The following OPN3 variants were observed in gnomAD, a reference collection of about 807,000 sequenced individuals.
OPN3 encodes the protein opsin-3.
OPN3 carries 29 observed loss-of-function variants against 33.8 expected under a neutral mutation model. The ratio of observed to expected loss-of-function variants is 0.86; its 90% CI spans 0.64 to 1.17. The LOEUF is 1.17. OPN3 is among the 50% of genes most tolerant of loss of function. The pLI is 0.00. For missense variants in OPN3, 437 were observed against 514.1 expected (o/e 0.85, Z 1.45); for synonymous variants, 216 against 216.1 (o/e 1.00, Z 0.00).
chr1:241,623,519 A>G (rs2148014620), intron 1 of OPN3, among the ~76,000 whole-genome samples: 1 of 152,324 alleles, frequency 6.6e-6, no homozygotes, highest in South Asian at 2.1e-4. Context: ...AATTCCTTAG[A>G]ATGGCATACA....
At chr1:241,628,541 C>T (rs1664490481) in intron 1 of OPN3, among the ~76,000 whole-genome samples, 1 of 152,096 alleles carries the variant, frequency 6.6e-6, no homozygotes, top group Non-Finnish European at 1.5e-5. Context: ...TTCATCTCCA[C>T]GGTTTTTAAG....
intron 1 of OPN3, among the ~76,000 whole-genome samples, chr1:241,610,423 A>G (rs1432857540): frequency 6.6e-6 from 1 of 152,234 alleles, no homozygotes; most frequent in Non-Finnish European, 1.5e-5. Flanking sequence ...CAACATTTGA[A>G]TTGATGAACA....
intron 1 of OPN3, among the ~76,000 whole-genome samples, chr1:241,636,254 T>C (rs1310252681): frequency 6.6e-6 from 1 of 152,180 alleles, no homozygotes; most frequent in Non-Finnish European, 1.5e-5. Context: ...AATAGAGATA[T>C]AACAGCCCTC....
chr1:241,600,704 T>C (rs1267412383), intron 2 of OPN3: 2 of 152,182 alleles, frequency 1.3e-5, no homozygotes, highest in East Asian at 1.9e-4. Flanking sequence ...TCTGTTTAGA[T>C]AGCAGCTAAA....
intron 2 of OPN3, among the ~76,000 whole-genome samples, chr1:241,599,550 A>G (rs1663625652): frequency 6.6e-6 from 1 of 152,106 alleles, no homozygotes; most frequent in Non-Finnish European, 1.5e-5. Context: ...ACCGAATACT[A>G]CTATTCTGTG....
At chr1:241,608,261 A>T (rs1403817142) in intron 1 of OPN3, among the ~76,000 whole-genome samples, 1 of 152,238 alleles carries the variant, frequency 6.6e-6, no homozygotes, top group East Asian at 1.9e-4. Context: ...AGAGGAATAA[A>T]TGAGTTCTTA....
intron 1 of OPN3, among the ~76,000 whole-genome samples, chr1:241,622,040 TGG>T (rs1664281024): frequency 6.6e-6 from 1 of 152,138 alleles, no homozygotes. Context: ...AACAGTGCTG[TGG>T]GGAGAGAGAG....
chr1:241,607,733 G>GGAA (rs1558439669), intron 1 of OPN3, among the ~76,000 whole-genome samples: 1 of 135,076 alleles, frequency 7.4e-6, no homozygotes, highest in African/African-American at 2.9e-5. Context: ...AGAGAAAGGA[G>GGAA]GGAAGGAAGG....
intron 1 of OPN3, among the ~76,000 whole-genome samples, chr1:241,623,526 T>C (rs1352552275): frequency 1.3e-5 from 2 of 152,222 alleles, no homozygotes; most frequent in Admixed American, 6.5e-5. Flanking sequence ...TAGAATGGCA[T>C]ACAAAGCCCT....
At chr1:241,635,512 T>C in intron 1 of OPN3, 2 of 1,613,976 alleles carry the variant, frequency 1.2e-6, no homozygotes, top group Admixed American at 1.7e-5. Flanking sequence ...GAGTGATGGC[T>C]TCTTCTGTTT....
chr1:241,597,736 C>T lies in OPN3; in HGVS notation c.945+10G>A, dbSNP rs764301404. On this transcript the variant is annotated intron_variant, in intron 3 of 3. Transcript: ENST00000366554. Reference sequence around the variant, plus strand: ...CAGGGTGAAAACAATCAGTTAATTGCAAAGCTTACCTTTCTGATCATGAAG... The same window carrying T: ...CAGGGTGAAAACAATCAGTTAATTGTAAAGCTTACCTTTCTGATCATGAAG... 54 of 1,607,784 alleles carry T rather than the reference C, an allele frequency of 3.4e-5. No individual in the cohort carries two copies. The highest frequency in any genetic ancestry group is 4.5e-5 in the Non-Finnish European group (53 of 1,176,208).
chr1:241,618,794 T>C (rs952578865), intron 1 of OPN3, among the ~76,000 whole-genome samples: 3 of 152,010 alleles, frequency 2.0e-5, no homozygotes, highest in African/African-American at 7.2e-5. Flanking sequence ...AAGACTTTCA[T>C]GTATATGCCA....
chr1:241,619,709 G>C (rs1172392062), intron 1 of OPN3, among the ~76,000 whole-genome samples: 1 of 152,234 alleles, frequency 6.6e-6, no homozygotes. Flanking sequence ...TCATGAAACA[G>C]ACTGATGTTA....
In OPN3 at chr1:241,609,106, G is replaced by A. The variant is rs139312366; in HGVS notation, c.374-4527C>T. On this transcript the variant is annotated intron_variant, in intron 1 of 3. Transcript: ENST00000366554. ...TTAACTGATGTTGAGCCTTATTAACGCAAATAAAAACTACATGGTACATGA... is the reference window on the plus strand; with the variant it reads ...TTAACTGATGTTGAGCCTTATTAACACAAATAAAAACTACATGGTACATGA... Among the ~76,000 whole-genome samples the A allele has an allele frequency of 1.8e-3, 274 of 152,230 alleles. 1 individual carries two copies. The highest frequency in any genetic ancestry group is 3.2e-3 in the Non-Finnish European group (217 of 68,008).
At chr1:241,630,759 C>G (rs1270509055) in intron 1 of OPN3, 1 of 151,806 alleles carries the variant, frequency 6.6e-6, no homozygotes, top group African/African-American at 2.4e-5. Context: ...TAAATCATTG[C>G]CAGAGAAATA....
At chr1:241,631,562 T>C (rs1664634267) in intron 1 of OPN3, 1 of 152,174 alleles carries the variant, frequency 6.6e-6, no homozygotes, top group Admixed American at 6.5e-5. Context: ...AAGTTGTCAA[T>C]TACTTAAATC....
intron 2 of OPN3, among the ~76,000 whole-genome samples, chr1:241,602,645 GAGAGAT>G (rs1169633351): frequency 2.0e-5 from 3 of 152,068 alleles, no homozygotes; most frequent in East Asian, 1.9e-4. Context: ...GACAGAGAGA[GAGAGAT>G]AGAGATAGAG....
intron 1 of OPN3, chr1:241,635,327 T>C: frequency 1.2e-6 from 2 of 1,614,022 alleles, no homozygotes; most frequent in Non-Finnish European, 1.7e-6. Flanking sequence ...GCTATTAAAA[T>C]ACGATAACTG....
chr1:241,625,623 C>T (rs1664398262), intron 1 of OPN3, among the ~76,000 whole-genome samples: 1 of 152,076 alleles, frequency 6.6e-6, no homozygotes, highest in Non-Finnish European at 1.5e-5. Flanking sequence ...TAATAAACCA[C>T]CAGAAGGAAG....
Sources: gnomAD v4.1 joint callset for allele counts (sites outside exome capture counted in the v4.1 genomes callset) on GRCh38, gnomAD v4.1.1 for gene constraint, MANE v1.5 for transcripts, NCBI Gene and HGNC (gene_info 2026-07-23, HGNC 2026-07-21) for gene names.